Variants in SNCAIP observed in about 807,000 individuals in gnomAD.
SNCAIP encodes the protein synphilin-1.
In SNCAIP, 43 loss-of-function variants were observed where a neutral mutation model predicts 86.7. That is an observed-to-expected ratio of 0.50 (90% CI 0.39 to 0.64). The LOEUF is 0.64. Ranked by LOEUF, SNCAIP falls within the 30% of genes least tolerant of loss-of-function variation. The pLI is 0.00. For missense variants in SNCAIP, 981 were observed against 1,103.1 expected (o/e 0.89, Z 1.57); for synonymous variants, 417 against 427.2 (o/e 0.98, Z 0.29).
At chr5:122,394,612 C>T (rs1338121095) in intron 2 of SNCAIP, among the ~76,000 whole-genome samples, 1 of 152,214 alleles carries the variant, frequency 6.6e-6, no homozygotes, top group Non-Finnish European at 1.5e-5. Context: ...AGATTTCTCT[C>T]TTCCTATGGA....
At chr5:122,418,408 T>C (rs1476762101) in intron 3 of SNCAIP, among the ~76,000 whole-genome samples, 1 of 152,214 alleles carries the variant, frequency 6.6e-6, no homozygotes, top group Non-Finnish European at 1.5e-5. Context: ...TATATTTTTC[T>C]AAAACACCTG....
intron 2 of SNCAIP, among the ~76,000 whole-genome samples, chr5:122,402,695 C>T (rs1443977405): frequency 3.3e-5 from 5 of 152,158 alleles, no homozygotes; most frequent in Admixed American, 1.3e-4. Flanking sequence ...TACCTTCTTA[C>T]TGATAAATGT....
chr5:122,381,026 G>T (rs1429865788), intron 1 of SNCAIP, among the ~76,000 whole-genome samples: 15 of 148,724 alleles, frequency 1.0e-4, no homozygotes, highest in African/African-American at 3.9e-4. Context: ...TGTTGATTTG[G>T]GGTGGAGAGT....
intron 8 of SNCAIP, among the ~76,000 whole-genome samples, chr5:122,449,556 T>C (rs1261953005): frequency 2.6e-5 from 4 of 152,216 alleles, no homozygotes; most frequent in African/African-American, 9.6e-5. Flanking sequence ...ATTATCATTT[T>C]AATAGCTGTC....
At chr5:122,327,080 C>A (rs1176893886) in intron 1 of SNCAIP, among the ~76,000 whole-genome samples, 1 of 151,442 alleles carries the variant, frequency 6.6e-6, no homozygotes, top group Non-Finnish European at 1.5e-5. Context: ...ACCTCTACTT[C>A]TGTTTAGATT....
chr5:122,423,319 A>G lies in SNCAIP; in HGVS notation c.582A>G (p.Thr194=). ...GCCTTTCTGGCAAAGCCTGCTCTACAGGAAGTTCTGAGAGCTCATCATCCA... is the reference window on the plus strand; with the variant it reads ...GCCTTTCTGGCAAAGCCTGCTCTACGGGAAGTTCTGAGAGCTCATCATCCA... ...INGLSGKACS[T]GSSESSSSNM... is the part of the protein sequence containing the mutation. The change falls in exon 4 of 11, where the codon ACA becomes ACG. Residue 194 remains threonine (T), a synonymous_variant. Transcript: ENST00000261368. The G allele has an allele frequency of 6.2e-7, 1 of 1,614,192 alleles. No homozygotes were observed.
At chr5:122,313,243 G>A (rs1751008768) in intron 1 of SNCAIP, among the ~76,000 whole-genome samples, 1 of 152,256 alleles carries the variant, frequency 6.6e-6, no homozygotes, top group African/African-American at 2.4e-5. Context: ...TTCACTTGCT[G>A]GAGGCAGGAT....
chr5:122,379,929 G>T (rs1371350967), intron 1 of SNCAIP, among the ~76,000 whole-genome samples: 1 of 152,122 alleles, frequency 6.6e-6, no homozygotes, highest in African/African-American at 2.4e-5. Flanking sequence ...ATGTGTTGCT[G>T]GATTCGGTTT....
At position 122,422,901 on chromosome 5, in the gene SNCAIP, C is replaced by T; in HGVS notation, c.164C>T (p.Thr55Ile). 6.2e-7 allele frequency: 1 copy of T among 1,614,030 alleles called. No homozygotes were observed. The highest frequency in any genetic ancestry group is 8.5e-7 in the Non-Finnish European group (1 of 1,179,880). ...SSSSWNCGISTLITNTQKPTG... is the reference protein window; with the variant it reads ...SSSSWNCGISILITNTQKPTG... ...TCTAGCTGGAATTGTGGCATCTCAA[C>T]TCTTATTACAAACACGCAAAAGCCC... Residue 55 changes from threonine to isoleucine, a missense_variant, in exon 4 of 11, where the codon ACT (threonine) becomes ATT (isoleucine). Transcript: ENST00000261368.
At chr5:122,329,179 C>T (rs1754752949) in intron 1 of SNCAIP, among the ~76,000 whole-genome samples, 1 of 151,374 alleles carries the variant, frequency 6.6e-6, no homozygotes, top group Admixed American at 6.6e-5. Flanking sequence ...TTATTGTATA[C>T]CAGACAAGGT....
At chr5:122,343,945 T>A (rs1758085955) in intron 1 of SNCAIP, among the ~76,000 whole-genome samples, 1 of 152,172 alleles carries the variant, frequency 6.6e-6, no homozygotes, top group African/African-American at 2.4e-5. Context: ...GTGGCTGAGG[T>A]CTAAGGCCAA....
In SNCAIP at chr5:122,461,498, C is replaced by A. The variant is rs185535197; in HGVS notation, c.2755-1993C>A. Among the ~76,000 whole-genome samples, 8 of 152,210 alleles carry A rather than the reference C, an allele frequency of 5.3e-5. No individual in the cohort carries two copies. In the East Asian group the frequency reaches 1.5e-3, roughly 29 times the overall value. On this transcript the variant is annotated intron_variant, in intron 10 of 10. Transcript: ENST00000261368. Reference sequence around the variant, plus strand: ...CACACTGGACTGATCCTCAGATTTTCTAATGATTCTTCTCTATTTTTCCAT... The same window carrying A: ...CACACTGGACTGATCCTCAGATTTTATAATGATTCTTCTCTATTTTTCCAT...
At chr5:122,368,752 G>A (rs1010986826) in intron 1 of SNCAIP, among the ~76,000 whole-genome samples, 1 of 152,026 alleles carries the variant, frequency 6.6e-6, no homozygotes, top group Admixed American at 6.6e-5. Context: ...ATATCTAAAA[G>A]GCAATTACCA....
intron 2 of SNCAIP, 40 bp downstream of exon 2, chr5:122,391,231 C>G (rs751391291): frequency 5.9e-6 from 8 of 1,352,950 alleles, no homozygotes; most frequent in Admixed American, 5.0e-5. Flanking sequence ...TCAAGATAAT[C>G]TGCCTTCAAC....
At position 122,414,975 on chromosome 5, in the gene SNCAIP, G is replaced by A. The variant is rs3811908; in HGVS notation, c.131-7893G>A. 2.6e-4 allele frequency among the ~76,000 whole-genome samples: 40 copies of A among 152,226 alleles called. No individual in the cohort carries two copies. The East Asian group carries it at 2.7e-3, about 10-fold the overall frequency. ...TAAAAAGCCTTAACACAAATGTATC[G>A]GCAATTTTAAAGTATTAAGTGGAGG... On this transcript the variant is annotated intron_variant, in intron 3 of 10. Coordinates refer to ENST00000261368, the MANE Select transcript of SNCAIP (RefSeq NM_005460.4).
intron 1 of SNCAIP, among the ~76,000 whole-genome samples, chr5:122,337,069 T>A (rs1162644646): frequency 1.3e-5 from 2 of 152,050 alleles, no homozygotes; most frequent in African/African-American, 4.8e-5. Context: ...GTGGCAGGAG[T>A]CAGAGGTGAA....
intron 1 of SNCAIP, among the ~76,000 whole-genome samples, chr5:122,315,615 G>T (rs1751543535): frequency 6.6e-6 from 1 of 152,134 alleles, no homozygotes; most frequent in African/African-American, 2.4e-5. Flanking sequence ...TGTTAGGAGA[G>T]CATATTGGAG....
At chr5:122,439,824 A>G (rs1336737127) in intron 6 of SNCAIP, among the ~76,000 whole-genome samples, 6 of 152,126 alleles carry the variant, frequency 3.9e-5, no homozygotes. Flanking sequence ...AAACAGTGAA[A>G]TCCCATCCCC....
At chr5:122,345,316 C>G (rs1336702544) in intron 1 of SNCAIP, among the ~76,000 whole-genome samples, 3 of 152,150 alleles carry the variant, frequency 2.0e-5, no homozygotes, top group Non-Finnish European at 2.9e-5. Flanking sequence ...TTTAAACATA[C>G]AGTCAAAATA....
Sources: allele counts gnomAD v4.1 joint callset (sites outside exome capture counted in the v4.1 genomes callset), GRCh38; gene constraint gnomAD v4.1.1; transcripts MANE v1.5; gene names NCBI Gene and HGNC (gene_info 2026-07-23, HGNC 2026-07-21).